The following CALHM4 variants were observed in gnomAD, a reference collection of about 807,000 sequenced individuals.
CALHM4 encodes calcium homeostasis modulator family member 4.
CALHM4 carries 16 observed loss-of-function variants against 13.3 expected under a neutral mutation model. That is an observed-to-expected ratio of 1.20 (90% CI 0.81 to 1.82). The LOEUF (loss-of-function observed/expected upper bound fraction) is 1.82. Among genes scored for constraint, CALHM4 ranks in the 40% most tolerant of loss-of-function variants. The pLI is 0.00. For synonymous variants in CALHM4, 127 were observed against 137.1 expected (o/e 0.93, Z 0.52); for missense variants, 344 against 374.9 (o/e 0.92, Z 0.68).
In CALHM4 at chr6:116,546,679, A is replaced by AT. The variant is rs568684018; in HGVS notation, c.-1+2808dup. ...GCAACAATATCACTCACCTCACAGA[A>AT]TAATTGTGAGAACCAAAGAGACGAG... On this transcript the variant is annotated intron_variant, in intron 2 of 2. Coordinates refer to the CALHM4 transcript ENST00000368597. Among the ~76,000 whole-genome samples, 469 of 152,326 alleles carry AT rather than the reference A, an allele frequency of 3.1e-3. 2 individuals are homozygous for AT. Among genetic ancestry groups the AT allele is most frequent in the Non-Finnish European group, 5.2e-3 (354 of 68,030 alleles).
chr6:116,540,533 C>G (rs1409855048), intron 1 of CALHM4: 3 of 1,445,642 alleles, frequency 2.1e-6, no homozygotes, highest in Middle Eastern at 1.7e-4. Context: ...TTTTAAGAAG[C>G]GATTTGTGTG....
Position 116,559,567 on chromosome 6 carries a change from T to C in CALHM4, c.*1356T>C, listed in dbSNP as rs1019164788. 6.6e-6 allele frequency among the ~76,000 whole-genome samples: 1 copy of C among 152,204 alleles called. No homozygotes were observed. The highest frequency in any genetic ancestry group is 6.5e-5 in the Admixed American group (1 of 15,282). ...TTGTCCTTCAATAAGAGACTGCATA[T>C]TGTAGCTCTTTGCTGGGACAGGAGA... On this transcript the variant is annotated 3_prime_UTR_variant, in exon 2 of 2. Transcript: ENST00000368596.
chr6:116,540,033 G>A (rs9400932), intron 1 of CALHM4, among the ~76,000 whole-genome samples: 85,339 of 151,978 alleles, frequency 0.56, 25,446 homozygotes, highest in East Asian at 0.89. Flanking sequence ...GAAAATTATC[G>A]TAAAGAAACT....
intron 1 of CALHM4, among the ~76,000 whole-genome samples, chr6:116,556,939 C>CTTTTTTT (rs35964763): frequency 8.4e-6 from 1 of 119,486 alleles, no homozygotes; most frequent in African/African-American, 3.1e-5. Context: ...TATTTTTAAT[C>CTTTTTTT]TTTTTTTTTT....
Position 116,558,363 on chromosome 6 carries a change from A to G in CALHM4, c.*152A>G, listed in dbSNP as rs1021487218. 2 of 915,424 alleles carry G rather than the reference A, an allele frequency of 2.2e-6. No individual in the cohort carries two copies. The highest frequency in any genetic ancestry group is 1.6e-6 in the Non-Finnish European group (1 of 644,868). 56.7% of individuals were successfully genotyped at this position (915,424 alleles called of 1,614,324 possible). A position where few individuals can be genotyped will look rare whatever the true frequency, so the allele number is the denominator to read the frequency against. ...ATCTCAAATATTATTTCTAAAATCA[A>G]TCTATTAGATAATTGTGCCAATCTC... On this transcript the variant is annotated 3_prime_UTR_variant, in exon 2 of 2. Transcript: ENST00000368596.
At chr6:116,532,650 T>A (rs1275628262) in intron 1 of CALHM4, among the ~76,000 whole-genome samples, 2 of 152,240 alleles carry the variant, frequency 1.3e-5, no homozygotes, top group Non-Finnish European at 2.9e-5. Flanking sequence ...CTTCCACTTT[T>A]GTGAAACATT....
At chr6:116,557,530 G>C (rs1450897657) in intron 1 of CALHM4, among the ~76,000 whole-genome samples, 1 of 152,158 alleles carries the variant, frequency 6.6e-6, no homozygotes, top group East Asian at 1.9e-4. Flanking sequence ...AAGGTTAATT[G>C]GTGGGTTATA....
At chr6:116,539,240 T>A (rs1192812854) in intron 1 of CALHM4, among the ~76,000 whole-genome samples, 1 of 152,244 alleles carries the variant, frequency 6.6e-6, no homozygotes, top group South Asian at 2.1e-4. Context: ...TTTTTCAAAC[T>A]ACTGTTTTGG....
At chr6:116,545,042 G>C (rs574201721) in intron 2 of CALHM4, among the ~76,000 whole-genome samples, 230 of 151,584 alleles carry the variant, frequency 1.5e-3, no homozygotes, top group Non-Finnish European at 2.2e-3. Flanking sequence ...ATTTTTAAAG[G>C]CAATCCTTTT....
At chr6:116,542,176 CT>C (rs1200776230) in intron 1 of CALHM4, among the ~76,000 whole-genome samples, 1 of 152,016 alleles carries the variant, frequency 6.6e-6, no homozygotes, top group African/African-American at 2.4e-5. Context: ...GTAAAATAAC[CT>C]TAACATTCCT....
At chr6:116,549,729 A>C (rs967171887), upstream of CALHM4, among the ~76,000 whole-genome samples, 13 of 151,472 alleles carry the variant, frequency 8.6e-5, no homozygotes, top group Non-Finnish European at 1.8e-4. Context: ...TAATCCCAGC[A>C]CTTTGGGAGG....
At chr6:116,534,851 T>G (rs944149088) in intron 1 of CALHM4, among the ~76,000 whole-genome samples, 2 of 152,226 alleles carry the variant, frequency 1.3e-5, no homozygotes, top group Middle Eastern at 3.2e-3. Context: ...AGATGCTGAT[T>G]TTTTAAACCT....
chr6:116,558,028 C>A lies in CALHM4; in HGVS notation c.762C>A (p.Phe254Leu). 1 of 1,614,158 alleles carries A rather than the reference C, an allele frequency of 6.2e-7. No individual in the cohort carries two copies. Among genetic ancestry groups the A allele is most frequent in the Non-Finnish European group, 8.5e-7 (1 of 1,180,024 alleles). Residue 254 changes from phenylalanine (F) to leucine (L), a missense_variant, in exon 2 of 2, where the codon TTC becomes TTA. Coordinates refer to ENST00000368596, the MANE Select transcript of CALHM4 (RefSeq NM_001366078.2). ...MMHRIKKLFG[F>L]IPGSEDVKHI... ...ATCGCATAAAGAAGCTATTTGGCTT[C>A]ATTCCCGGGAGTGAAGACGTCAAAC... is the stretch of plus-strand genomic sequence containing the variant.
At chr6:116,534,571 T>C (rs966688333) in intron 1 of CALHM4, among the ~76,000 whole-genome samples, 2 of 152,106 alleles carry the variant, frequency 1.3e-5, no homozygotes, top group Non-Finnish European at 2.9e-5. Flanking sequence ...GGGAAAAAAA[T>C]TCCCCCTGCT....
intron 1 of CALHM4, among the ~76,000 whole-genome samples, chr6:116,557,287 G>A (rs1562366229): frequency 6.6e-6 from 1 of 152,052 alleles, no homozygotes; most frequent in Non-Finnish European, 1.5e-5. Flanking sequence ...TCACTGACTT[G>A]CTTTTTAGCT....
chr6:116,539,946 T>A (rs1773331846), intron 1 of CALHM4, among the ~76,000 whole-genome samples: 1 of 152,200 alleles, frequency 6.6e-6, no homozygotes, highest in South Asian at 2.1e-4. Context: ...TCTGTTTTTC[T>A]CTTGGGAAAA....
chr6:116,551,198 A>G (rs551013348), upstream of CALHM4, among the ~76,000 whole-genome samples: 16 of 152,282 alleles, frequency 1.1e-4, no homozygotes, highest in South Asian at 3.3e-3. Context: ...TTTAAATGGC[A>G]TTGGCCTCTT....
In CALHM4 at chr6:116,554,164, T is replaced by G; in HGVS notation, c.371T>G (p.Leu124Arg). 6.4e-7 allele frequency: 1 copy of G among 1,550,598 alleles called. No individual in the cohort carries two copies. Among genetic ancestry groups the G allele is most frequent in the Non-Finnish European group, 8.7e-7 (1 of 1,146,986 alleles). The change falls in exon 1 of 2, where the codon CTG (leucine) becomes CGG (arginine). Residue 124 changes from leucine (L) to arginine (R), a missense_variant. Physicochemically the swap from Leu to Arg is moderately radical, Grantham distance 102. Coordinates refer to ENST00000368596, the MANE Select transcript of CALHM4 (RefSeq NM_001366078.2). ...APLTWLAVTLLTGTYYECAAS... is the reference protein window; with the variant it reads ...APLTWLAVTLRTGTYYECAAS... ...TTAACTTGGCTGGCGGTGACCCTGCTGACAGGCACGTATTATGAATGTGCA... is the reference window on the plus strand; with the variant it reads ...TTAACTTGGCTGGCGGTGACCCTGCGGACAGGCACGTATTATGAATGTGCA...
intron 1 of CALHM4, among the ~76,000 whole-genome samples, chr6:116,529,721 T>A (rs894532340): frequency 6.6e-6 from 1 of 152,172 alleles, no homozygotes; most frequent in African/African-American, 2.4e-5. Flanking sequence ...TGAGTCACTT[T>A]TTGAGAGGAC....
Sources: allele counts gnomAD v4.1 joint callset (sites outside exome capture counted in the v4.1 genomes callset), GRCh38; gene constraint gnomAD v4.1.1; transcripts MANE v1.5; gene names NCBI Gene and HGNC (gene_info 2026-07-23, HGNC 2026-07-21).